SMAD7: variants seen among roughly 807,000 people sequenced by gnomAD.
The protein encoded by SMAD7 is MAD (mothers against decapentaplegic, Drosophila) homolog 7.
SMAD7 carries 8 observed loss-of-function variants against 38.7 expected under a neutral mutation model. The ratio of observed to expected loss-of-function variants is 0.21; its 90% CI spans 0.12 to 0.37. SMAD7 has a LOEUF of 0.37. Ranked by LOEUF, SMAD7 falls within the 10% of genes least tolerant of loss-of-function variation. SMAD7 has a pLI of 1.00. For missense variants in SMAD7, 477 were observed against 577.9 expected (o/e 0.83, Z 1.79); for synonymous variants, 327 against 265.1 (o/e 1.23, Z -2.27).
intron 2 of SMAD7, among the ~76,000 whole-genome samples, chr18:48,945,389 G>C (rs2070184268): frequency 1.3e-5 from 2 of 152,262 alleles, no homozygotes; most frequent in South Asian, 4.2e-4. Flanking sequence ...GTGAACCCAG[G>C]AGGTGGAGCT....
intron 3 of SMAD7, among the ~76,000 whole-genome samples, chr18:48,940,493 G>A (rs542297406): frequency 2.0e-5 from 3 of 152,296 alleles, no homozygotes; most frequent in East Asian, 3.9e-4. Context: ...GCTCACACCT[G>A]TAATCTCAGC....
rs1460000471 is a variant in SMAD7, at chr18:48,920,246, CT to C, written c.*1125del. 6.6e-6 allele frequency: 1 copy of C among 152,450 alleles called. No homozygotes were observed. The highest frequency in any genetic ancestry group is 1.5e-5 in the Non-Finnish European group (1 of 68,020). 9.4% of individuals were successfully genotyped at this position (152,450 alleles called of 1,614,324 possible). ...TAAACCTTTGTAGTTAGAAAAATAG[CT>C]TATGTTAAAGTCTAAACATGCTCAT... On this transcript the variant is annotated 3_prime_UTR_variant, in exon 4 of 4. Transcript: ENST00000262158.
chr18:48,929,710 T>TG (rs919366671), intron 3 of SMAD7, among the ~76,000 whole-genome samples: 22 of 151,708 alleles, frequency 1.5e-4, no homozygotes, highest in Admixed American at 1.1e-3. Context: ...TTGCAGGTGG[T>TG]GGGGGGGCTC....
At chr18:48,941,874 TGAGCCCTGAGGAAAA>T (rs1254787667) in intron 3 of SMAD7, among the ~76,000 whole-genome samples, 2 of 152,168 alleles carry the variant, frequency 1.3e-5, no homozygotes, top group African/African-American at 2.4e-5. Flanking sequence ...CGCATACCTG[TGAGCCCTGAGGAAAA>T]CCTGCCCCGC....
chr18:48,940,069 G>C (rs950338034), intron 3 of SMAD7, among the ~76,000 whole-genome samples: 1 of 152,104 alleles, frequency 6.6e-6, no homozygotes, highest in African/African-American at 2.4e-5. Flanking sequence ...GACAGCCCTA[G>C]GTTTTCTCCG....
chr18:48,948,778 G>C (rs1318667549), intron 1 of SMAD7, among the ~76,000 whole-genome samples: 1 of 152,246 alleles, frequency 6.6e-6, no homozygotes, highest in Non-Finnish European at 1.5e-5. Context: ...TCCAGACCCA[G>C]CTCCCAGCAA....
In SMAD7 at chr18:48,950,053, C is replaced by T. The variant is rs2070243692; in HGVS notation, c.372G>A (p.Ala124=). 1.4e-6 allele frequency: 2 copies of T among 1,433,092 alleles called. No homozygotes were observed. Among genetic ancestry groups the T allele is most frequent in the Non-Finnish European group, 1.8e-6 (2 of 1,096,362 alleles). The allele number at this position is 1,433,092 out of a possible 1,614,324, so 88.8% of individuals were successfully genotyped here. ...AVESRGGTRT[A]CLLLPGRLDC... Reference sequence around the variant, plus strand: ...CCAGGCGGCCGGGCAGCAGGAGGCACGCGGTGCGCGTCCCGCCGCGGGACT... The same window carrying T: ...CCAGGCGGCCGGGCAGCAGGAGGCATGCGGTGCGCGTCCCGCCGCGGGACT... Residue 124 remains alanine (A), a synonymous_variant, in exon 1 of 4, where the codon GCG becomes GCA. Transcript: ENST00000262158.
intron 3 of SMAD7, among the ~76,000 whole-genome samples, chr18:48,926,288 T>G (rs1599221306): frequency 1.3e-5 from 2 of 150,598 alleles, no homozygotes; most frequent in Non-Finnish European, 3.0e-5. Flanking sequence ...GGGGAGGGGG[T>G]CCCCCAAGAT....
At chr18:48,924,160 C>T (rs139355298) in intron 3 of SMAD7, among the ~76,000 whole-genome samples, 239 of 136,824 alleles carry the variant, frequency 1.7e-3, no homozygotes, top group Non-Finnish European at 3.1e-3. Context: ...TTTCCCAATT[C>T]GGGACAACAA....
intron 3 of SMAD7, among the ~76,000 whole-genome samples, chr18:48,923,257 G>A (rs2069885610): frequency 6.6e-6 from 1 of 152,234 alleles, no homozygotes; most frequent in Non-Finnish European, 1.5e-5. Context: ...GGGGTTGAGT[G>A]TGAGATGTGT....
At chr18:48,943,503 C>A (rs527666495) in intron 2 of SMAD7, among the ~76,000 whole-genome samples, 4 of 152,354 alleles carry the variant, frequency 2.6e-5, no homozygotes, top group African/African-American at 4.8e-5. Context: ...CCATGAACCA[C>A]AACTCATTAG....
At chr18:48,923,278 C>G (rs940947956) in intron 3 of SMAD7, among the ~76,000 whole-genome samples, 3 of 152,114 alleles carry the variant, frequency 2.0e-5, no homozygotes, top group Non-Finnish European at 4.4e-5. Context: ...TTTGGTGTGG[C>G]CTTTGTGTTT....
intron 3 of SMAD7, among the ~76,000 whole-genome samples, chr18:48,923,820 G>C (rs1391976628): frequency 6.6e-6 from 1 of 152,224 alleles, no homozygotes; most frequent in East Asian, 1.9e-4. Flanking sequence ...GTACGAGTGT[G>C]TGTTATGTGT....
At chr18:48,943,468 A>C (rs1224506407) in intron 2 of SMAD7, among the ~76,000 whole-genome samples, 1 of 152,226 alleles carries the variant, frequency 6.6e-6, no homozygotes, top group African/African-American at 2.4e-5. Flanking sequence ...ACCGCCCTCC[A>C]AGCAATTAAA....
intron 3 of SMAD7, among the ~76,000 whole-genome samples, chr18:48,936,406 G>A (rs549731067): frequency 1.6e-4 from 24 of 152,298 alleles, no homozygotes; most frequent in African/African-American, 5.5e-4. Context: ...AATACATTCG[G>A]TGAACTGTGC....
chr18:48,935,630 C>T (rs2070055554), intron 3 of SMAD7, among the ~76,000 whole-genome samples: 1 of 152,146 alleles, frequency 6.6e-6, no homozygotes, highest in Admixed American at 6.5e-5. Flanking sequence ...CAGGGGGACC[C>T]CGCAGAGTGA....
chr18:48,942,001 CAG>C (rs2143807759), intron 3 of SMAD7, among the ~76,000 whole-genome samples: 1 of 152,254 alleles, frequency 6.6e-6, no homozygotes, highest in East Asian at 1.9e-4. Flanking sequence ...GGCTGGGAAT[CAG>C]AACTTGGGAG....
At chr18:48,948,361 T>C (rs1481058637) in intron 2 of SMAD7, 23 bp downstream of exon 2, 1 of 1,539,410 alleles carries the variant, frequency 6.5e-7, no homozygotes, top group East Asian at 2.3e-5. Flanking sequence ...ATAAGCAGGA[T>C]ATTTTAAAAA....
At chr18:48,942,774 G>C in intron 2 of SMAD7, 4 of 1,401,942 alleles carry the variant, frequency 2.9e-6, no homozygotes, top group Non-Finnish European at 3.7e-6. Flanking sequence ...CGGGCAGCCA[G>C]TTAATCATTA....
Sources: allele counts gnomAD v4.1 joint callset (sites outside exome capture counted in the v4.1 genomes callset), GRCh38; gene constraint gnomAD v4.1.1; transcripts MANE v1.5; gene names NCBI Gene and HGNC (gene_info 2026-07-23, HGNC 2026-07-21).